Variants in ART3 observed in about 807,000 individuals in gnomAD.
ART3 encodes ADP-ribosyltransferase 3 (inactive).
ART3 carries 49 observed loss-of-function variants against 48.5 expected under a neutral mutation model. That is an observed-to-expected ratio of 1.01 (90% confidence interval 0.80 to 1.28). The LOEUF (loss-of-function observed/expected upper bound fraction) is 1.28, where lower values mean the gene tolerates loss of function less well. Among genes scored for constraint, ART3 ranks in the 50% most tolerant of loss-of-function variants. The pLI, the probability that ART3 is intolerant of heterozygous loss-of-function variation, is 0.00. For synonymous variants in ART3, 145 were observed against 157.2 expected (o/e 0.92, Z 0.58); for missense variants, 438 against 454.3 (o/e 0.96, Z 0.33).
intron 4 of ART3, among the ~76,000 whole-genome samples, chr4:76,098,286 G>A (rs893710221): frequency 3.3e-5 from 5 of 151,854 alleles, no homozygotes; most frequent in African/African-American, 1.2e-4. Context: ...TTAAGGAACA[G>A]CATTATCAAA....
chr4:76,066,617 G>A (rs896284339), intron 1 of ART3, among the ~76,000 whole-genome samples: 27 of 152,042 alleles, frequency 1.8e-4, no homozygotes, highest in Admixed American at 1.2e-3. Flanking sequence ...GGCTGAGCCC[G>A]GCTATTTATG....
At chr4:76,022,047 G>A in intron 1 of ART3, 3 of 1,131,940 alleles carry the variant, frequency 2.7e-6, no homozygotes, top group Non-Finnish European at 4.0e-6. Flanking sequence ...ATAGATAACT[G>A]AGCTTTCCTG....
At chr4:76,045,215 G>A (rs1384731738) in intron 1 of ART3, among the ~76,000 whole-genome samples, 1 of 152,020 alleles carries the variant, frequency 6.6e-6, no homozygotes, top group Non-Finnish European at 1.5e-5. Context: ...ACTTCTAAGA[G>A]ATCATCTCGG....
At chr4:76,028,289 AT>A (rs1360806263) in intron 1 of ART3, among the ~76,000 whole-genome samples, 1 of 152,186 alleles carries the variant, frequency 6.6e-6, no homozygotes, top group African/African-American at 2.4e-5. Context: ...CTTTTTATAT[AT>A]TTCTCTCAAT....
intron 1 of ART3, among the ~76,000 whole-genome samples, chr4:76,053,198 G>A (rs6532156): frequency 0.59 from 89,052 of 151,930 alleles, 26,951 homozygotes; most frequent in East Asian, 0.94. Context: ...TGCTGATCAC[G>A]TACAGGTTAT....
At chr4:76,016,020 T>C (rs932106580) in intron 1 of ART3, among the ~76,000 whole-genome samples, 3 of 152,252 alleles carry the variant, frequency 2.0e-5, no homozygotes, top group African/African-American at 7.2e-5. Flanking sequence ...GTTTTCTTTT[T>C]TGATGTGTCT....
intron 1 of ART3, among the ~76,000 whole-genome samples, chr4:76,045,788 A>G (rs28868672): frequency 0.62 from 93,230 of 151,402 alleles, 30,032 homozygotes; most frequent in East Asian, 0.94. Flanking sequence ...GGGCCTGGCT[A>G]TCTTGCTGTA....
chr4:76,041,002 A>G lies in ART3; in HGVS notation c.-10+29682A>G, dbSNP rs144370729. On this transcript the variant is annotated intron_variant, in intron 1 of 9. Coordinates refer to the ART3 transcript ENST00000341029. ...CCTGGAAAGCACTACCCTTTTCTAT[A>G]GTAGTTCATTTATTCATTTACTCAT... 9 of 152,286 alleles carry G rather than the reference A, an allele frequency of 5.9e-5. No individual in the cohort carries two copies. The East Asian group carries it at 1.7e-3, about 29-fold the overall frequency. The allele number at this position is 152,286 out of a possible 1,614,324, so 9.4% of individuals were successfully genotyped here.
At position 76,024,364 on chromosome 4, in the gene ART3, C is replaced by T. The variant is rs72549196; in HGVS notation, c.-10+13044C>T. Reference sequence around the variant, plus strand: ...GACAGAAGGGAAACAGGTTGATTTACGATGGGGTTCAGCTCCAAGACACTG... The same window carrying T: ...GACAGAAGGGAAACAGGTTGATTTATGATGGGGTTCAGCTCCAAGACACTG... On this transcript the variant is annotated intron_variant, in intron 1 of 9. Coordinates refer to the ART3 transcript ENST00000341029. Among the ~76,000 whole-genome samples the T allele has an allele frequency of 7.0e-3, 1,056 of 151,690 alleles. 9 individuals carry two copies. Among genetic ancestry groups the T allele is most frequent in the African/African-American group, 0.025 (1,014 of 41,328 alleles).
chr4:76,081,649 GAA>G (rs1722496834), intron 2 of ART3, among the ~76,000 whole-genome samples, 173 bp from the exon 3 acceptor site: 1 of 152,132 alleles, frequency 6.6e-6, no homozygotes, highest in South Asian at 2.1e-4. Context: ...GCACAGCTGA[GAA>G]AAGTTATCAA....
Position 76,013,434 on chromosome 4 carries a change from TAC to T in ART3, c.-10+2129_-10+2130del, listed in dbSNP as rs749974415. 8.9e-4 allele frequency among the ~76,000 whole-genome samples: 135 copies of T among 151,372 alleles called. 1 individual carries two copies. The highest frequency in any genetic ancestry group is 3.1e-3 in the African/African-American group (127 of 41,292). On this transcript the variant is annotated intron_variant, in intron 1 of 9. Transcript: ENST00000341029. ...AAGGGAATAACATGAGATTTATATA[TAC>T]ACACACACACACACCCCTGTGTATA...
At chr4:76,081,138 C>T (rs950529621) in intron 2 of ART3, among the ~76,000 whole-genome samples, 2 of 152,326 alleles carry the variant, frequency 1.3e-5, no homozygotes, top group Non-Finnish European at 2.9e-5. Flanking sequence ...GTCCTCATCT[C>T]TACCTCTCAG....
intron 3 of ART3, among the ~76,000 whole-genome samples, chr4:76,095,552 T>C (rs966277567): frequency 3.3e-5 from 5 of 152,148 alleles, no homozygotes; most frequent in African/African-American, 4.8e-5. Context: ...TTCTTTTCTA[T>C]TCAGGAGGCC....
intron 9 of ART3, 38 bp downstream of exon 9, chr4:76,104,007 T>A (rs765112178): frequency 3.1e-6 from 5 of 1,598,062 alleles, no homozygotes; most frequent in Admixed American, 1.7e-5. Context: ...AGCCCAAGAA[T>A]GAGTTGAGCA....
intron 3 of ART3, among the ~76,000 whole-genome samples, chr4:76,084,461 C>G (rs1299661519): frequency 1.3e-5 from 2 of 152,108 alleles, no homozygotes; most frequent in Non-Finnish European, 2.9e-5. Context: ...TGAAGATATT[C>G]CTCCAGTGAC....
Position 76,103,939 on chromosome 4 carries a change from G to A in ART3, c.940G>A (p.Val314Met), listed in dbSNP as rs764694506. The change falls in exon 9 of 12, where the codon GTG becomes ATG. Residue 314 changes from valine to methionine, a missense_variant and splice_region_variant. Physicochemically the swap from Val to Met is conservative, Grantham distance 21. Coordinates refer to ENST00000355810, the MANE Select transcript of ART3 (RefSeq NM_001130016.3). ...CCAATATTTATTTCTGCCTTTAGGT[G>A]TGAAAATCCTTGAACCCACCCAAAT... ...EKNQKLEDHG[V>M]KILEPTQIPG... The A allele has an allele frequency of 2.5e-6, 4 of 1,612,662 alleles. No individual in the cohort carries two copies. Among genetic ancestry groups the A allele is most frequent in the Non-Finnish European group, 3.4e-6 (4 of 1,179,356 alleles).
intron 1 of ART3, among the ~76,000 whole-genome samples, chr4:76,075,469 G>A (rs560164895): frequency 4.6e-5 from 7 of 152,276 alleles, no homozygotes; most frequent in African/African-American, 1.7e-4. Flanking sequence ...GGAATTCTTA[G>A]AAACTGGGAG....
intron 8 of ART3, among the ~76,000 whole-genome samples, chr4:76,103,448 C>T (rs75895300): frequency 0.031 from 4,681 of 152,116 alleles, 203 homozygotes; most frequent in African/African-American, 0.095. Flanking sequence ...TATTGAGTAC[C>T]TTTTTTCGCT....
Position 76,049,113 on chromosome 4 carries a change from C to T in ART3, c.-9-26768C>T, listed in dbSNP as rs58591414. Among the ~76,000 whole-genome samples the T allele has an allele frequency of 1.3e-4, 20 of 151,914 alleles. 1 individual carries two copies. Among genetic ancestry groups the T allele is most frequent in the South Asian group, 1.0e-3 (5 of 4,820 alleles). ...AAATTCCAGGTAGTCCCCACTATGA[C>T]GGGGCTTTGGGCAAAAATCATGTCT... On this transcript the variant is annotated intron_variant, in intron 1 of 9. Transcript: ENST00000341029.
Sources: gnomAD v4.1 joint callset for allele counts (sites outside exome capture counted in the v4.1 genomes callset) on GRCh38, gnomAD v4.1.1 for gene constraint, MANE v1.5 for transcripts, NCBI Gene and HGNC (gene_info 2026-07-23, HGNC 2026-07-21) for gene names.